The following TMEM238L variants were observed in gnomAD, a reference collection of about 807,000 sequenced individuals.
The protein encoded by TMEM238L is transmembrane protein 238 like.
At chr17:10,798,800 G>A (rs1463067865) in intron 1 of TMEM238L, among the ~76,000 whole-genome samples, 5 of 151,956 alleles carry the variant, frequency 3.3e-5, no homozygotes, top group Admixed American at 1.3e-4. Flanking sequence ...TGGTGTGTGT[G>A]TATTGTTTGG....
intron 1 of TMEM238L, chr17:10,802,548 G>C (rs1297225477): frequency 1.3e-5 from 2 of 152,560 alleles, no homozygotes; most frequent in African/African-American, 4.8e-5. Context: ...TCTTCATTTT[G>C]CTTCTCTTTT....
At chr17:10,795,237 G>A (rs145950909) in exon 2 of TMEM238L, 2 of 152,232 alleles carry the variant, frequency 1.3e-5, no homozygotes, top group Non-Finnish European at 2.9e-5. Flanking sequence ...CAGCATAGCA[G>A]AGGCCTAGCT....
chr17:10,798,589 G>T (rs144498567), intron 1 of TMEM238L, among the ~76,000 whole-genome samples: 68 of 152,302 alleles, frequency 4.5e-4, no homozygotes, highest in African/African-American at 1.5e-3. Context: ...TTTGGTTGGT[G>T]TGAGAGTGGG....
intron 1 of TMEM238L, chr17:10,802,400 T>C (rs1334031279): frequency 1.3e-5 from 2 of 152,216 alleles, no homozygotes; most frequent in African/African-American, 4.8e-5. Flanking sequence ...ATCTTACAGA[T>C]GAGAATCCTG....
chr17:10,798,739 G>A (rs540964514), intron 1 of TMEM238L, among the ~76,000 whole-genome samples: 1 of 151,982 alleles, frequency 6.6e-6, no homozygotes, highest in Admixed American at 6.6e-5. Flanking sequence ...GTTTGTGTGT[G>A]CATGAACACG....
chr17:10,800,881 G>C lies in TMEM238L; in HGVS notation c.*118+2725C>G, dbSNP rs1326193416. On this transcript the variant is annotated intron_variant, in intron 1 of 1. Coordinates refer to ENST00000581851, the Ensembl canonical transcript of TMEM238L. ...GTTCAGGGCACGGAGCCTCACACTGGGGACTCTGTGTTGTTTGGGTACTTG... is the reference window on the plus strand; with the variant it reads ...GTTCAGGGCACGGAGCCTCACACTGCGGACTCTGTGTTGTTTGGGTACTTG... Among the ~76,000 whole-genome samples the C allele has an allele frequency of 3.3e-5, 5 of 152,080 alleles. No individual in the cohort carries two copies. In the East Asian group the frequency reaches 9.6e-4, roughly 29 times the overall value.
intron 1 of TMEM238L, among the ~76,000 whole-genome samples, chr17:10,802,149 C>G (rs1904764765): frequency 6.6e-6 from 1 of 152,190 alleles, no homozygotes; most frequent in Non-Finnish European, 1.5e-5. Flanking sequence ...TACCAGCACA[C>G]AAATCAGGGA....
chr17:10,803,858 C>A, exon 1 of TMEM238L: 1 of 399,856 alleles, frequency 2.5e-6, no homozygotes. Flanking sequence ...GCCAAGATCC[C>A]CAGCAGCAAA....
rs910550219 is a variant in TMEM238L, at chr17:10,801,602, C to T, written c.*118+2004G>A. ...AATATCACCTCCTCCAGGAAGCTTTCCCTGACTCCATCTTCTGAGTCAGTT... is the reference window on the plus strand; with the variant it reads ...AATATCACCTCCTCCAGGAAGCTTTTCCTGACTCCATCTTCTGAGTCAGTT... On this transcript the variant is annotated intron_variant, in intron 1 of 1. Coordinates refer to ENST00000581851, the Ensembl canonical transcript of TMEM238L. Among the ~76,000 whole-genome samples, 17 of 152,306 alleles carry T rather than the reference C, an allele frequency of 1.1e-4. 1 individual carries two copies. The highest frequency in any genetic ancestry group is 8.5e-4 in the Admixed American group (13 of 15,300).
chr17:10,798,214 G>T (rs1253315581), intron 1 of TMEM238L, among the ~76,000 whole-genome samples: 1 of 151,972 alleles, frequency 6.6e-6, no homozygotes, highest in East Asian at 1.9e-4. Flanking sequence ...CCCCCAGCCA[G>T]GAGGTTCTGT....
At chr17:10,795,987 A>C (rs1334483695) in intron 1 of TMEM238L, 39 bp from the exon 2 acceptor site, 1 of 152,214 alleles carries the variant, frequency 6.6e-6, no homozygotes, top group Non-Finnish European at 1.5e-5. Flanking sequence ...ATCAGCCCCC[A>C]ACCCAAATCC....
At chr17:10,797,259 C>A (rs555660353) in intron 1 of TMEM238L, among the ~76,000 whole-genome samples, 1 of 152,194 alleles carries the variant, frequency 6.6e-6, no homozygotes, top group East Asian at 1.9e-4. Flanking sequence ...TACTACTTTC[C>A]TCATGGCCTT....
intron 1 of TMEM238L, among the ~76,000 whole-genome samples, chr17:10,798,612 TGTGA>T (rs1446901110): frequency 5.3e-5 from 8 of 152,142 alleles, no homozygotes; most frequent in African/African-American, 1.7e-4. Flanking sequence ...TGTTTGTTTC[TGTGA>T]GTGTGTGTTT....
At chr17:10,800,344 G>A (rs2151523151) in intron 1 of TMEM238L, among the ~76,000 whole-genome samples, 1 of 152,308 alleles carries the variant, frequency 6.6e-6, no homozygotes, top group Middle Eastern at 3.4e-3. Context: ...GCAGGACTCA[G>A]CACACACGAA....
At chr17:10,796,726 A>G (rs959623223) in intron 1 of TMEM238L, among the ~76,000 whole-genome samples, 6 of 152,120 alleles carry the variant, frequency 3.9e-5, no homozygotes, top group Non-Finnish European at 7.4e-5. Context: ...CCTCTTTGCC[A>G]TTGGCATAAC....
chr17:10,801,315 G>T (rs1056905695), intron 1 of TMEM238L, among the ~76,000 whole-genome samples: 1 of 152,146 alleles, frequency 6.6e-6, no homozygotes, highest in African/African-American at 2.4e-5. Context: ...TGGGATTACA[G>T]GTGTGAGCCA....
chr17:10,799,213 T>C (rs939799625), intron 1 of TMEM238L, among the ~76,000 whole-genome samples: 2 of 152,206 alleles, frequency 1.3e-5, no homozygotes. Flanking sequence ...TTTTATTTTT[T>C]GGGGGATGGA....
exon 1 of TMEM238L, chr17:10,804,040 G>A (rs1904828432): frequency 7.4e-6 from 3 of 402,916 alleles, no homozygotes; most frequent in Admixed American, 4.3e-5. Flanking sequence ...CCTGCCTGCT[G>A]CTGCCTTCTC....
At chr17:10,802,827 G>A (rs1242478697) in intron 1 of TMEM238L, among the ~76,000 whole-genome samples, 3 of 152,172 alleles carry the variant, frequency 2.0e-5, no homozygotes, top group Admixed American at 1.3e-4. Flanking sequence ...CTGGGACTCT[G>A]TCTTGATGTG....
Sources: allele counts gnomAD v4.1 joint callset (sites outside exome capture counted in the v4.1 genomes callset), GRCh38; gene constraint gnomAD v4.1.1; transcripts MANE v1.5; gene names NCBI Gene and HGNC (gene_info 2026-07-23, HGNC 2026-07-21).